The following ST7L variants were observed in gnomAD, a reference collection of about 807,000 sequenced individuals.
ST7L encodes the protein suppression of tumorigenicity 7 like.
Under a neutral mutation model 72.5 loss-of-function variants are expected in ST7L, and 57 were observed. The ratio of observed to expected loss-of-function variants is 0.79; its 90% CI spans 0.64 to 0.98. ST7L has a LOEUF of 0.98. Among genes scored for constraint, ST7L ranks in the 50% least tolerant of loss-of-function variants. ST7L has a pLI of 0.00. For synonymous variants in ST7L, 221 were observed against 240.9 expected (o/e 0.92, Z 0.77); for missense variants, 576 against 672.2 (o/e 0.86, Z 1.58).
intron 14 of ST7L, among the ~76,000 whole-genome samples, chr1:112,533,520 T>C (rs539108844): frequency 1.3e-3 from 191 of 152,210 alleles, no homozygotes; most frequent in Middle Eastern, 3.4e-3. Flanking sequence ...TTTCACCATG[T>C]TGGCCAGGAT....
chr1:112,599,073 A>AAAATAT (rs1190968815), intron 4 of ST7L, among the ~76,000 whole-genome samples: 3 of 57,000 alleles, frequency 5.3e-5, no homozygotes, highest in African/African-American at 2.1e-4. Context: ...AAAAAAAAAA[A>AAAATAT]ATATATATAT....
At chr1:112,570,596 C>A in intron 11 of ST7L, 1 of 275,398 alleles carries the variant, frequency 3.6e-6, no homozygotes, top group Non-Finnish European at 6.9e-6. Context: ...TTTGAAATGT[C>A]ACTGTTCCTT....
chr1:112,555,059 T>C (rs1249384584), intron 12 of ST7L, among the ~76,000 whole-genome samples: 3 of 152,274 alleles, frequency 2.0e-5, no homozygotes, highest in South Asian at 2.1e-4. Flanking sequence ...TGGATGATGG[T>C]GATGTTCGTA....
At chr1:112,562,986 G>C (rs1238945716) in intron 11 of ST7L, among the ~76,000 whole-genome samples, 1 of 152,060 alleles carries the variant, frequency 6.6e-6, no homozygotes, top group Admixed American at 6.6e-5. Context: ...ATACCAAACA[G>C]TAACAGGTGG....
chr1:112,542,952 A>G (rs1405015574), intron 13 of ST7L, among the ~76,000 whole-genome samples: 2 of 152,008 alleles, frequency 1.3e-5, no homozygotes, highest in Non-Finnish European at 2.9e-5. Context: ...TGCACAGGCC[A>G]CTACGCCCAG....
intron 13 of ST7L, among the ~76,000 whole-genome samples, chr1:112,546,335 A>AAG (rs1401607146): frequency 1.3e-5 from 2 of 150,904 alleles, no homozygotes; most frequent in Admixed American, 6.6e-5. Context: ...AAAAAAAAAA[A>AAG]AGAGAGAAAA....
chr1:112,553,530 CA>C (rs1658597039), intron 12 of ST7L, among the ~76,000 whole-genome samples: 1 of 152,208 alleles, frequency 6.6e-6, no homozygotes, highest in South Asian at 2.1e-4. Flanking sequence ...GATAATTTAG[CA>C]GCAATTTGGA....
At chr1:112,542,663 G>A (rs992344463) in intron 13 of ST7L, among the ~76,000 whole-genome samples, 1 of 151,948 alleles carries the variant, frequency 6.6e-6, no homozygotes, top group South Asian at 2.1e-4. Context: ...GATGAGATGG[G>A]AAAATCACTG....
At chr1:112,546,334 AAAG>A (rs1657064574) in intron 13 of ST7L, among the ~76,000 whole-genome samples, 1 of 151,692 alleles carries the variant, frequency 6.6e-6, no homozygotes, top group Admixed American at 6.6e-5. Context: ...AAAAAAAAAA[AAAG>A]AGAGAAAAGA....
At chr1:112,530,709 C>T (rs977858183) in intron 14 of ST7L, among the ~76,000 whole-genome samples, 2 of 152,302 alleles carry the variant, frequency 1.3e-5, no homozygotes, top group South Asian at 2.1e-4. Flanking sequence ...GCCACCGCAC[C>T]CAGCCTCTGT....
chr1:112,542,241 T>C (rs1010238138), intron 13 of ST7L, 151 bp from the exon 14 acceptor site: 13 of 734,640 alleles, frequency 1.8e-5, no homozygotes, highest in Admixed American at 7.0e-5. Flanking sequence ...AAGACAGTTA[T>C]CCATTATTTA....
intron 6 of ST7L, among the ~76,000 whole-genome samples, chr1:112,588,275 A>T (rs1254674689): frequency 2.6e-5 from 4 of 152,218 alleles, no homozygotes; most frequent in African/African-American, 9.6e-5. Context: ...TTTAGATGCC[A>T]TGTAAAATTT....
At chr1:112,522,358 A>G (rs913480103), downstream of ST7L, 4 of 152,274 alleles carry the variant, frequency 2.6e-5, no homozygotes, top group African/African-American at 7.2e-5. Context: ...ATTATGCACC[A>G]AACTCCAGCC....
intron 2 of ST7L, among the ~76,000 whole-genome samples, chr1:112,616,028 C>T (rs1034350303): frequency 1.4e-4 from 22 of 152,144 alleles, no homozygotes; most frequent in African/African-American, 5.1e-4. Flanking sequence ...TTAGCCACCA[C>T]GTCCGGCCTG....
At chr1:112,556,860 C>G (rs1214914730) in intron 11 of ST7L, among the ~76,000 whole-genome samples, 1 of 149,366 alleles carries the variant, frequency 6.7e-6, no homozygotes, top group East Asian at 2.0e-4. Context: ...GCCAGCTACT[C>G]AAGAGGCTGA....
intron 12 of ST7L, among the ~76,000 whole-genome samples, chr1:112,554,050 T>C: frequency 6.6e-6 from 1 of 152,134 alleles, no homozygotes; most frequent in Non-Finnish European, 1.5e-5. Flanking sequence ...CCATTGAAAA[T>C]TAAAAATGTT....
At chr1:112,549,501 G>A (rs929048171) in intron 13 of ST7L, among the ~76,000 whole-genome samples, 1 of 152,060 alleles carries the variant, frequency 6.6e-6, no homozygotes, top group African/African-American at 2.4e-5. Flanking sequence ...TAGTGTACAT[G>A]TCTTAAATTT....
chr1:112,569,974 AC>A lies in ST7L; in HGVS notation c.1245+7011del, dbSNP rs374518912. 8.5e-4 allele frequency among the ~76,000 whole-genome samples: 129 copies of A among 150,996 alleles called. 4 individuals are homozygous for A. The highest frequency in any genetic ancestry group is 2.5e-3 in the African/African-American group (102 of 41,274). ...TTCTGTCTCAAAAAAAAAAAAAAAA[AC>A]AAAAAAACTATGAAACCATTTGATG... On this transcript the variant is annotated intron_variant, in intron 11 of 14. Transcript: ENST00000358039.
chr1:112,584,589 G>A (rs1664611793), intron 6 of ST7L, among the ~76,000 whole-genome samples: 1 of 152,038 alleles, frequency 6.6e-6, no homozygotes, highest in South Asian at 2.1e-4. Flanking sequence ...CTGGGTTCAA[G>A]CAATTCTCCT....
Sources: allele counts gnomAD v4.1 joint callset (sites outside exome capture counted in the v4.1 genomes callset), GRCh38; gene constraint gnomAD v4.1.1; transcripts MANE v1.5; gene names NCBI Gene and HGNC (gene_info 2026-07-23, HGNC 2026-07-21).